Variants in ZFHX3 observed in about 807,000 individuals in gnomAD.
The protein encoded by ZFHX3 is zinc finger homeobox 3.
A neutral mutation model predicts 279.1 loss-of-function variants in ZFHX3; 42 were observed. The observed-to-expected ratio is 0.15, with a 90% CI of 0.12 to 0.19. The LOEUF is 0.19. ZFHX3 is among the 10% of genes least tolerant of loss of function. The pLI is 1.00. For synonymous variants in ZFHX3, 2,293 were observed against 1,957.8 expected, an observed-to-expected ratio of 1.17 and a Z score of -4.52; for missense variants, 4,981 against 4,754.0, an observed-to-expected ratio of 1.05 and a Z score of -1.40.
At chr16:73,506,715 C>T (rs1597362344) in intron 2 of ZFHX3, among the ~76,000 whole-genome samples, 1 of 152,114 alleles carries the variant, frequency 6.6e-6, no homozygotes, top group African/African-American at 2.4e-5. Context: ...CAGTAGGTGA[C>T]ATTAACTCGG....
intron 3 of ZFHX3, among the ~76,000 whole-genome samples, chr16:73,335,916 G>A (rs946444857): frequency 1.3e-5 from 2 of 152,192 alleles, no homozygotes; most frequent in African/African-American, 4.8e-5. Context: ...TGCCCTCACC[G>A]TGTCTTGAAA....
chr16:73,514,118 C>T (rs1038598337), intron 2 of ZFHX3, among the ~76,000 whole-genome samples: 7 of 151,942 alleles, frequency 4.6e-5, no homozygotes, highest in African/African-American at 1.2e-4. Flanking sequence ...CATGGTGGCA[C>T]GCACCTGTAG....
chr16:72,838,353 G>C (rs952831648), intron 4 of ZFHX3, among the ~76,000 whole-genome samples: 15 of 152,352 alleles, frequency 9.8e-5, no homozygotes, highest in African/African-American at 3.6e-4. Flanking sequence ...CCAGGCTGCA[G>C]CTGCGTGTTC....
At chr16:73,334,809 T>TC (rs199884191) in intron 3 of ZFHX3, among the ~76,000 whole-genome samples, 13 of 122,776 alleles carry the variant, frequency 1.1e-4, no homozygotes, top group East Asian at 4.8e-4. Context: ...TCTTTCTCAT[T>TC]CTTTTTTTTT....
chr16:73,636,320 A>G (rs2052526669), intron 2 of ZFHX3, among the ~76,000 whole-genome samples: 1 of 152,224 alleles, frequency 6.6e-6, no homozygotes, highest in Non-Finnish European at 1.5e-5. Context: ...AACTGTAATG[A>G]TGAAACCCTG....
chr16:73,684,123 G>C (rs528919420), intron 1 of ZFHX3, among the ~76,000 whole-genome samples: 1 of 152,230 alleles, frequency 6.6e-6, no homozygotes, highest in South Asian at 2.1e-4. Context: ...GCAAGACCCT[G>C]TCTCTACACA....
At chr16:73,724,298 G>T (rs978405908) in intron 1 of ZFHX3, among the ~76,000 whole-genome samples, 1 of 152,200 alleles carries the variant, frequency 6.6e-6, no homozygotes, top group Admixed American at 6.5e-5. Flanking sequence ...GACTACTAAT[G>T]AATACATGAC....
rs542622177 is a variant in ZFHX3, at chr16:73,868,306, G to A, written c.-1608+23345C>T. Reference sequence around the variant, plus strand: ...GGGAGGCCAAGGCAGGCGATCACCTGAGGTCAGGAGTTCAAGACCAGCCTG... The same window carrying A: ...GGGAGGCCAAGGCAGGCGATCACCTAAGGTCAGGAGTTCAAGACCAGCCTG... On this transcript the variant is annotated intron_variant, in intron 1 of 17. Coordinates refer to the ZFHX3 transcript ENST00000641206. Among the ~76,000 whole-genome samples, 83 of 152,334 alleles carry A rather than the reference G, an allele frequency of 5.4e-4. 1 individual carries two copies. The highest frequency in any genetic ancestry group is 1.0e-3 in the South Asian group (5 of 4,828).
At chr16:73,342,301 G>A (rs952503751) in intron 3 of ZFHX3, among the ~76,000 whole-genome samples, 3 of 152,174 alleles carry the variant, frequency 2.0e-5, no homozygotes, top group African/African-American at 7.2e-5. Context: ...ACCCAGGAAT[G>A]TCACGTTTAG....
intron 2 of ZFHX3, among the ~76,000 whole-genome samples, chr16:73,588,138 A>T (rs2051946791): frequency 6.6e-6 from 1 of 152,226 alleles, no homozygotes; most frequent in African/African-American, 2.4e-5. Flanking sequence ...TTTAGGAAAC[A>T]TTCCTAAAGA....
At chr16:72,930,433 C>T (rs574313948) in intron 3 of ZFHX3, among the ~76,000 whole-genome samples, 4 of 151,772 alleles carry the variant, frequency 2.6e-5, no homozygotes, top group South Asian at 2.1e-4. Context: ...AAAAAGAGGA[C>T]GGGCGATAAG....
intron 1 of ZFHX3, among the ~76,000 whole-genome samples, chr16:72,993,537 T>G (rs1032308771): frequency 1.3e-5 from 2 of 152,040 alleles, no homozygotes; most frequent in Admixed American, 6.6e-5. Context: ...AAAAGAACAT[T>G]GTCAGACGAA....
chr16:73,160,772 C>CTTTTT (rs200196890), intron 5 of ZFHX3, among the ~76,000 whole-genome samples: 1 of 127,958 alleles, frequency 7.8e-6, no homozygotes. Context: ...CTTTTCTCTT[C>CTTTTT]TTTTTTTTTT....
chr16:73,250,950 A>G (rs1304735118), intron 5 of ZFHX3, among the ~76,000 whole-genome samples: 1 of 151,866 alleles, frequency 6.6e-6, no homozygotes, highest in Non-Finnish European at 1.5e-5. Context: ...TTCATCTTTT[A>G]CTATCTTTGC....
chr16:73,346,019 C>A (rs2016117421), intron 3 of ZFHX3, among the ~76,000 whole-genome samples: 1 of 152,118 alleles, frequency 6.6e-6, no homozygotes, highest in South Asian at 2.1e-4. Flanking sequence ...GGCTCCCAGG[C>A]CAGAATGAGG....
At position 73,634,265 on chromosome 16, in the gene ZFHX3, C is replaced by A. The variant is rs535962468; in HGVS notation, c.-1547+45915G>T. On this transcript the variant is annotated intron_variant, in intron 2 of 17. Coordinates refer to the ZFHX3 transcript ENST00000641206. ...TTTCACATTGCTATTTTCTTCTCTG[C>A]CAAAAAGGGATGAATTCTACTCCTT... 5.6e-4 allele frequency among the ~76,000 whole-genome samples: 85 copies of A among 151,474 alleles called. 1 individual carries two copies. The highest frequency in any genetic ancestry group is 5.0e-3 in the South Asian group (24 of 4,806).
At chr16:72,815,187 C>T (rs541046544) in intron 5 of ZFHX3, among the ~76,000 whole-genome samples, 3 of 152,230 alleles carry the variant, frequency 2.0e-5, no homozygotes, top group East Asian at 3.9e-4. Flanking sequence ...GTGGGCAGAT[C>T]GCTTGAGCCC....
chr16:73,376,268 T>C (rs906435427), intron 3 of ZFHX3, among the ~76,000 whole-genome samples: 12 of 152,250 alleles, frequency 7.9e-5, no homozygotes, highest in Non-Finnish European at 1.5e-4. Context: ...TCATAATTGC[T>C]GAAGTACAGT....
intron 3 of ZFHX3, among the ~76,000 whole-genome samples, chr16:73,352,448 C>A (rs945559637): frequency 2.0e-5 from 3 of 146,710 alleles, no homozygotes; most frequent in African/African-American, 7.6e-5. Context: ...ATTTGTCAAG[C>A]CTTTGGTTTC....
Sources: allele counts gnomAD v4.1 joint callset (sites outside exome capture counted in the v4.1 genomes callset), GRCh38; gene constraint gnomAD v4.1.1; transcripts MANE v1.5; gene names NCBI Gene and HGNC (gene_info 2026-07-23, HGNC 2026-07-21).